Variants in MACROD2 observed in about 807,000 individuals in gnomAD.
MACROD2 encodes mono-ADP ribosylhydrolase 2.
In MACROD2, 36 loss-of-function variants were observed where a neutral mutation model predicts 70.4. That is an observed-to-expected ratio of 0.51 (90% CI 0.39 to 0.68). The LOEUF (loss-of-function observed/expected upper bound fraction) is 0.68. Ranked by LOEUF, MACROD2 falls within the 30% of genes least tolerant of loss-of-function variation. MACROD2 has a pLI of 0.00. For synonymous variants in MACROD2, 172 were observed against 178.8 expected (o/e 0.96, Z 0.30); for missense variants, 496 against 538.4 (o/e 0.92, Z 0.78).
chr20:14,319,853 A>G (rs182171945), intron 3 of MACROD2, among the ~76,000 whole-genome samples: 1 of 151,438 alleles, frequency 6.6e-6, no homozygotes, highest in East Asian at 1.9e-4. Flanking sequence ...CTCCTTTGGC[A>G]CCTCTTTTCT....
chr20:14,715,434 T>A (rs1038522204), intron 5 of MACROD2, among the ~76,000 whole-genome samples: 6 of 152,200 alleles, frequency 3.9e-5, no homozygotes, highest in African/African-American at 7.2e-5. Flanking sequence ...TAATTTTAAA[T>A]ACATTTGGCA....
chr20:15,052,003 G>C (rs1035413533), intron 5 of MACROD2, among the ~76,000 whole-genome samples: 2 of 152,086 alleles, frequency 1.3e-5, no homozygotes, highest in African/African-American at 4.8e-5. Context: ...CGCCCGTCCC[G>C]GCCTTCCAAA....
intron 5 of MACROD2, among the ~76,000 whole-genome samples, chr20:14,851,255 G>A (rs1171050181): frequency 1.3e-5 from 2 of 152,036 alleles, no homozygotes; most frequent in Admixed American, 6.6e-5. Context: ...CACCGATACT[G>A]GAGGCTGGAC....
chr20:14,520,805 T>C (rs1201499586), intron 4 of MACROD2, among the ~76,000 whole-genome samples: 1 of 152,204 alleles, frequency 6.6e-6, no homozygotes, highest in African/African-American at 2.4e-5. Context: ...TTTTTTCTTG[T>C]TTGTTATAGA....
intron 8 of MACROD2, among the ~76,000 whole-genome samples, chr20:15,698,881 C>G (rs2050414327): frequency 6.6e-6 from 1 of 152,132 alleles, no homozygotes; most frequent in Non-Finnish European, 1.5e-5. Context: ...TGAGACTTTC[C>G]AGAGCATTTT....
chr20:14,845,792 A>T (rs76080725), intron 5 of MACROD2, among the ~76,000 whole-genome samples: 92 of 152,152 alleles, frequency 6.0e-4, no homozygotes, highest in Middle Eastern at 6.8e-3. Flanking sequence ...GGAGGTACAG[A>T]GGTTGGCTAT....
At chr20:15,862,370 T>A (rs73898562) in intron 8 of MACROD2, among the ~76,000 whole-genome samples, 17,668 of 152,264 alleles carry the variant, frequency 0.12, 1,456 homozygotes, top group East Asian at 0.37. Context: ...TACTTTATTG[T>A]CATTCTGCTG....
intron 5 of MACROD2, among the ~76,000 whole-genome samples, chr20:15,151,988 G>T (rs1222168044): frequency 1.3e-5 from 2 of 151,942 alleles, no homozygotes; most frequent in South Asian, 4.2e-4. Context: ...TGAGGGGACA[G>T]GTGGGAGGGA....
chr20:15,798,180 T>C lies in MACROD2; in HGVS notation c.646-64565T>C, dbSNP rs6135533. ...TAGTATAGCAAATTATTCCACTTTA[T>C]GTTCATGAATTCAGTGAATTATGAA... On this transcript the variant is annotated intron_variant, in intron 8 of 17. Coordinates refer to ENST00000684519, the MANE Select transcript of MACROD2 (RefSeq NM_001351661.2). 0.027 allele frequency among the ~76,000 whole-genome samples: 4,097 copies of C among 152,306 alleles called. 310 individuals are homozygous for C. The East Asian group carries it at 0.28, about 11-fold the overall frequency.
At chr20:15,491,128 T>A (rs1332656648) in intron 7 of MACROD2, among the ~76,000 whole-genome samples, 1 of 152,168 alleles carries the variant, frequency 6.6e-6, no homozygotes, top group Non-Finnish European at 1.5e-5. Flanking sequence ...AGCAGCAGTT[T>A]ATTATTATTT....
chr20:14,746,264 TCTC>T (rs1448032076), intron 5 of MACROD2, among the ~76,000 whole-genome samples: 1 of 152,288 alleles, frequency 6.6e-6, no homozygotes, highest in East Asian at 1.9e-4. Context: ...GCAGTTATCT[TCTC>T]CTGTGACCGC....
chr20:14,848,736 C>T (rs443597), intron 5 of MACROD2, among the ~76,000 whole-genome samples: 87,162 of 151,924 alleles, frequency 0.57, 26,220 homozygotes, highest in Non-Finnish European at 0.67. Flanking sequence ...GAGGCATTTC[C>T]TGGGAGCTGA....
At chr20:15,686,145 A>T (rs1373553191) in intron 8 of MACROD2, among the ~76,000 whole-genome samples, 2 of 152,232 alleles carry the variant, frequency 1.3e-5, no homozygotes, top group African/African-American at 2.4e-5. Context: ...TTTAACTCTG[A>T]TGTCATTTTC....
chr20:15,875,797 T>C (rs1238365395), intron 9 of MACROD2, among the ~76,000 whole-genome samples: 1 of 151,768 alleles, frequency 6.6e-6, no homozygotes, highest in African/African-American at 2.4e-5. Flanking sequence ...TAAATGCTAG[T>C]TGGAGAAGGG....
intron 3 of MACROD2, among the ~76,000 whole-genome samples, chr20:14,169,996 C>A (rs1477481345): frequency 6.6e-6 from 1 of 151,990 alleles, no homozygotes; most frequent in African/African-American, 2.4e-5. Context: ...CAAGTTCAAG[C>A]AATTCTCCTG....
chr20:15,105,690 CT>C (rs553276084), intron 5 of MACROD2, among the ~76,000 whole-genome samples: 512 of 152,210 alleles, frequency 3.4e-3, no homozygotes, highest in South Asian at 0.011. Flanking sequence ...CAGTAGTTTG[CT>C]TCTGAACTCC....
intron 4 of MACROD2, among the ~76,000 whole-genome samples, chr20:14,662,164 T>C (rs948154283): frequency 4.6e-5 from 7 of 152,004 alleles, no homozygotes; most frequent in African/African-American, 1.7e-4. Context: ...TGGAACAGAA[T>C]AGAGAACCCA....
At chr20:15,422,851 G>A (rs2046248439) in intron 6 of MACROD2, among the ~76,000 whole-genome samples, 1 of 152,188 alleles carries the variant, frequency 6.6e-6, no homozygotes, top group Non-Finnish European at 1.5e-5. Context: ...GTGCTGAGGG[G>A]ATATACTGTT....
chr20:15,583,914 C>T (rs1032667326), intron 8 of MACROD2, among the ~76,000 whole-genome samples: 2 of 152,254 alleles, frequency 1.3e-5, no homozygotes, highest in African/African-American at 2.4e-5. Context: ...GCCGGGATTA[C>T]AGGCGTAAGC....
Sources: gnomAD v4.1 joint callset for allele counts (sites outside exome capture counted in the v4.1 genomes callset) on GRCh38, gnomAD v4.1.1 for gene constraint, MANE v1.5 for transcripts, NCBI Gene and HGNC (gene_info 2026-07-23, HGNC 2026-07-21) for gene names.